DEUP1: variants seen among roughly 807,000 people sequenced by gnomAD.
The protein encoded by DEUP1 is coiled-coil domain containing 67.
In DEUP1, 82 loss-of-function variants were observed where a neutral mutation model predicts 87.4. The observed-to-expected ratio is 0.94, with a 90% CI of 0.78 to 1.13. The LOEUF (loss-of-function observed/expected upper bound fraction) is 1.13, where lower values mean the gene tolerates loss of function less well. Ranked by LOEUF, DEUP1 falls within the 50% of genes most tolerant of loss-of-function variation. The pLI is 0.00. For synonymous variants in DEUP1, 214 were observed against 222.7 expected, an observed-to-expected ratio of 0.96 and a Z score of 0.35; for missense variants, 663 against 681.5, an observed-to-expected ratio of 0.97 and a Z score of 0.30.
At chr11:93,402,811 G>A (rs1240417086) in intron 11 of DEUP1, among the ~76,000 whole-genome samples, 1 of 151,934 alleles carries the variant, frequency 6.6e-6, no homozygotes, top group Admixed American at 6.6e-5. Context: ...TGTGGGAGCT[G>A]AAAATGTGGA....
intron 5 of DEUP1, among the ~76,000 whole-genome samples, chr11:93,364,649 GTAGT>G: frequency 6.6e-6 from 1 of 152,106 alleles, no homozygotes; most frequent in East Asian, 1.9e-4. Context: ...TAGCTATTAG[GTAGT>G]TAAATCCCAA....
chr11:93,405,473 C>G (rs1025489378), intron 11 of DEUP1, among the ~76,000 whole-genome samples: 1 of 151,904 alleles, frequency 6.6e-6, no homozygotes, highest in African/African-American at 2.4e-5. Flanking sequence ...TGGTCAGTAG[C>G]TTTAGAAGCA....
chr11:93,352,225 T>G (rs1176894229), intron 2 of DEUP1: 15 of 621,252 alleles, frequency 2.4e-5, no homozygotes, highest in African/African-American at 3.6e-5. Flanking sequence ...ACAAATACAT[T>G]AGAAGCCTCA....
At chr11:93,396,071 C>A (rs1161488746) in intron 10 of DEUP1, among the ~76,000 whole-genome samples, 168 bp from the exon 11 acceptor site, 1 of 152,068 alleles carries the variant, frequency 6.6e-6, no homozygotes, top group East Asian at 1.9e-4. Context: ...GTGGTGCCTG[C>A]CAAAGACAGG....
At chr11:93,434,056 T>C (rs1305229395) in intron 13 of DEUP1, among the ~76,000 whole-genome samples, 1 of 151,998 alleles carries the variant, frequency 6.6e-6, no homozygotes, top group Admixed American at 6.6e-5. Context: ...CCCACCCAGC[T>C]AGAGGAGAGA....
At chr11:93,436,016 T>TAA (rs1948240377) in intron 13 of DEUP1, among the ~76,000 whole-genome samples, 1 of 149,064 alleles carries the variant, frequency 6.7e-6, no homozygotes, top group Non-Finnish European at 1.5e-5. Context: ...AAAAAAAATT[T>TAA]TTTCTGTGTC....
chr11:93,419,678 TA>T (rs1181026811), intron 13 of DEUP1, among the ~76,000 whole-genome samples: 1 of 152,022 alleles, frequency 6.6e-6, no homozygotes, highest in Non-Finnish European at 1.5e-5. Context: ...TAAAGGAGAT[TA>T]AATATATTAA....
Position 93,332,144 on chromosome 11 carries a change from GC to G in DEUP1, c.-44-71del, listed in dbSNP as rs987000044. 39 of 994,844 alleles carry G rather than the reference GC, an allele frequency of 3.9e-5. No homozygotes were observed. In the African/African-American group the frequency reaches 6.2e-4, roughly 16 times the overall value. 61.6% of individuals were successfully genotyped at this position (994,844 alleles called of 1,614,324 possible). A position where few individuals can be genotyped will look rare whatever the true frequency, so the allele number is the denominator to read the frequency against. ...TCATACTAAATGGTTTTTGCCAGTA[GC>G]AAAATTTTCATGTTTTATAGGTTAA... is the stretch of plus-strand genomic sequence containing the variant. On this transcript the variant is annotated intron_variant, in intron 1 of 13. Coordinates refer to ENST00000298050, the MANE Select transcript of DEUP1 (RefSeq NM_181645.4).
At chr11:93,387,218 T>G (rs2134330963) in intron 8 of DEUP1, among the ~76,000 whole-genome samples, 1 of 152,298 alleles carries the variant, frequency 6.6e-6, no homozygotes, top group East Asian at 1.9e-4. Flanking sequence ...TCTTTTCCAC[T>G]AAAAGAGTCT....
chr11:93,420,022 C>A (rs1265750287), intron 13 of DEUP1, among the ~76,000 whole-genome samples: 1 of 152,098 alleles, frequency 6.6e-6, no homozygotes, highest in Non-Finnish European at 1.5e-5. Flanking sequence ...TGAAACCATT[C>A]CAATCAATAG....
intron 13 of DEUP1, among the ~76,000 whole-genome samples, chr11:93,432,877 C>T (rs183204870): frequency 1.8e-4 from 28 of 152,240 alleles, no homozygotes; most frequent in African/African-American, 5.3e-4. Context: ...TAATGCAGTT[C>T]TCATTGATGA....
chr11:93,406,734 A>T (rs975172764), intron 11 of DEUP1, among the ~76,000 whole-genome samples: 8 of 151,942 alleles, frequency 5.3e-5, no homozygotes, highest in Admixed American at 5.3e-4. Flanking sequence ...TAGGATTAGT[A>T]CACCTAATGT....
chr11:93,385,401 A>T lies in DEUP1; in HGVS notation c.793A>T (p.Met265Leu). ...ATTTTTTGATGTTTTTATTCAGGCC[A>T]TGGAAGCAGGTCTCTCAGAGGTAAA... ...LKMYQRQCQA[M>L]EAGLSEVKSE... The change falls in exon 8 of 14, where the codon ATG (methionine) becomes TTG (leucine). Residue 265 changes from methionine (M) to leucine (L), a missense_variant. Transcript: ENST00000298050. 1 of 1,613,154 alleles carries T rather than the reference A, an allele frequency of 6.2e-7. No homozygotes were observed. The highest frequency in any genetic ancestry group is 8.5e-7 in the Non-Finnish European group (1 of 1,179,636).
intron 11 of DEUP1, among the ~76,000 whole-genome samples, chr11:93,403,919 T>C (rs1947194892): frequency 6.6e-6 from 1 of 152,090 alleles, no homozygotes; most frequent in Non-Finnish European, 1.5e-5. Flanking sequence ...ATTTACATCA[T>C]TATTTTTGTC....
At chr11:93,383,140 A>C (rs1240769620) in intron 7 of DEUP1, among the ~76,000 whole-genome samples, 1 of 152,232 alleles carries the variant, frequency 6.6e-6, no homozygotes, top group Non-Finnish European at 1.5e-5. Flanking sequence ...AAGAAAGCAT[A>C]TGTCCACATA....
intron 2 of DEUP1, among the ~76,000 whole-genome samples, chr11:93,348,187 AT>A (rs1185420181): frequency 7.9e-5 from 12 of 152,086 alleles, no homozygotes; most frequent in Admixed American, 2.6e-4. Flanking sequence ...GTCAGTGGTA[AT>A]TTCCCCTTTG....
At chr11:93,379,260 A>G (rs114537943) in intron 7 of DEUP1, among the ~76,000 whole-genome samples, 1 of 151,954 alleles carries the variant, frequency 6.6e-6, no homozygotes, top group Non-Finnish European at 1.5e-5. Context: ...TCTTTGGGGA[A>G]AAAAAGATCC....
intron 7 of DEUP1, among the ~76,000 whole-genome samples, chr11:93,381,556 A>G (rs1946305654): frequency 6.6e-6 from 1 of 152,156 alleles, no homozygotes; most frequent in African/African-American, 2.4e-5. Flanking sequence ...TTCATTGCAT[A>G]TATTTATTCA....
At chr11:93,357,358 T>C (rs979315516) in intron 4 of DEUP1, 3 of 186,622 alleles carry the variant, frequency 1.6e-5, no homozygotes, top group African/African-American at 7.1e-5. Context: ...AAAACAATTA[T>C]TTTTTGTGGT....
Sources: gnomAD v4.1 joint callset for allele counts (sites outside exome capture counted in the v4.1 genomes callset) on GRCh38, gnomAD v4.1.1 for gene constraint, MANE v1.5 for transcripts, NCBI Gene and HGNC (gene_info 2026-07-23, HGNC 2026-07-21) for gene names.